Variants in LRP8 observed in about 807,000 individuals in gnomAD.
LRP8 encodes the protein low-density lipoprotein receptor-related protein 8.
LRP8 carries 46 observed loss-of-function variants against 111.6 expected under a neutral mutation model. That is an observed-to-expected ratio of 0.41 (90% confidence interval 0.33 to 0.53). The LOEUF is 0.53. Ranked by LOEUF, LRP8 falls within the 20% of genes least tolerant of loss-of-function variation. LRP8 has a pLI of 0.20. For synonymous variants in LRP8, 464 were observed against 511.2 expected, an observed-to-expected ratio of 0.91 and a Z score of 1.24; for missense variants, 959 against 1,297.4, an observed-to-expected ratio of 0.74 and a Z score of 4.01.
intron 3 of LRP8, among the ~76,000 whole-genome samples, chr1:53,287,866 T>G (rs1572552920): frequency 1.4e-5 from 2 of 143,572 alleles, no homozygotes; most frequent in African/African-American, 2.6e-5. Context: ...AGAGGGAGGG[T>G]GAGGATAGGA....
chr1:53,250,599 A>G lies in LRP8; in HGVS notation c.2676+91T>C, dbSNP rs1357803995. On this transcript the variant is annotated intron_variant, in intron 17 of 18. Coordinates refer to ENST00000306052, the MANE Select transcript of LRP8 (RefSeq NM_004631.5). This position sits in a 1 kb window ranked among gnomAD's most constrained non-coding sequence, Gnocchi z 4.6. ...CGGAAGGAAGGAAGGGAGGGAAGAA[A>G]GGATGGGAAGGAAGAAAGGATGGGA... 5 of 1,132,652 alleles carry G rather than the reference A, an allele frequency of 4.4e-6. No homozygotes were observed. The highest frequency in any genetic ancestry group is 6.4e-6 in the Non-Finnish European group (5 of 776,890). The allele number at this position is 1,132,652 out of a possible 1,614,324, so 70.2% of individuals were successfully genotyped here. A position where few individuals can be genotyped will look rare whatever the true frequency, so the allele number is the denominator to read the frequency against.
chr1:53,258,393 C>G lies in LRP8; in HGVS notation c.2135G>C (p.Ser712Thr), dbSNP rs768180742. 6.2e-7 allele frequency: 1 copy of G among 1,614,102 alleles called. No individual in the cohort carries two copies. Among genetic ancestry groups the G allele is most frequent in the East Asian group, 2.2e-5 (1 of 44,880 alleles). ...GGCACATGTGTACTTGGGAGAGTGG[C>G]TGGAGATCTGAGGAGCAGGAAGGCA... ...YLCLPAPQISSHSPKYTCACP... is the reference protein window; with the variant it reads ...YLCLPAPQISTHSPKYTCACP... The change falls in exon 14 of 19, where the codon AGC becomes ACC. Residue 712 changes from serine to threonine, a missense_variant. Coordinates refer to ENST00000306052, the MANE Select transcript of LRP8 (RefSeq NM_004631.5).
chr1:53,254,548 C>T (rs1646009477), intron 16 of LRP8, among the ~76,000 whole-genome samples: 1 of 152,060 alleles, frequency 6.6e-6, no homozygotes, highest in Non-Finnish European at 1.5e-5. Flanking sequence ...ATGAACTTAT[C>T]TGTGTTATGT....
chr1:53,273,427 A>C (rs1334030530), intron 6 of LRP8, among the ~76,000 whole-genome samples: 2 of 152,224 alleles, frequency 1.3e-5, no homozygotes, highest in Non-Finnish European at 2.9e-5. Context: ...CCCCTGCTTT[A>C]CTCAGAGAAG....
At chr1:53,252,041 C>CAAA (rs776015082) in intron 16 of LRP8, among the ~76,000 whole-genome samples, 3 of 53,718 alleles carry the variant, frequency 5.6e-5, no homozygotes, top group Admixed American at 2.1e-4. Context: ...GACCTTGTCT[C>CAAA]AAAAAAAAAA....
intron 2 of LRP8, among the ~76,000 whole-genome samples, chr1:53,296,895 G>T (rs995901307): frequency 3.3e-5 from 5 of 152,192 alleles, no homozygotes; most frequent in African/African-American, 1.2e-4. Flanking sequence ...TTAAGCAGAG[G>T]AACCCTTTTC....
rs536157497 is a variant in LRP8, at chr1:53,244,551, A to C, written c.*2467T>G. 15 of 152,374 alleles carry C rather than the reference A, an allele frequency of 9.8e-5. No homozygotes were observed. Among genetic ancestry groups the C allele is most frequent in the African/African-American group, 3.6e-4 (15 of 41,600 alleles). 9.4% of individuals were successfully genotyped at this position (152,374 alleles called of 1,614,324 possible). ...ATATATCACAATTTGTTTCTTGTAA[A>C]GGGTTGCTCCCATTGCTGCCTCTTT... On this transcript the variant is annotated 3_prime_UTR_variant, in exon 19 of 19. Transcript: ENST00000306052.
chr1:53,255,451 C>A (rs1646050567), intron 15 of LRP8, among the ~76,000 whole-genome samples: 1 of 152,122 alleles, frequency 6.6e-6, no homozygotes. Context: ...GACTTGAACC[C>A]AGGACTCATG....
chr1:53,318,259 G>A (rs1654064446), intron 2 of LRP8, among the ~76,000 whole-genome samples: 1 of 151,546 alleles, frequency 6.6e-6, no homozygotes, highest in Admixed American at 6.6e-5. Flanking sequence ...TTTTTTGGTG[G>A]GGGTGAAAGC....
intron 2 of LRP8, among the ~76,000 whole-genome samples, chr1:53,323,856 T>C (rs12096460): frequency 0.017 from 2,639 of 152,316 alleles, 93 homozygotes; most frequent in African/African-American, 0.06. Flanking sequence ...TGGTAAACTC[T>C]GGGGGAATGC....
At position 53,327,770 on chromosome 1, in the gene LRP8, A is replaced by G. The variant is rs1226981212; in HGVS notation, c.124+19T>C. ...GGCTAGGGCGGAGCAGAGCCGAGTC[A>G]GAGACCGGCTGCACGCACCTTGGCC... On this transcript the variant is annotated intron_variant, in intron 1 of 18. Transcript: ENST00000306052. 20 of 1,503,382 alleles carry G rather than the reference A, an allele frequency of 1.3e-5. No individual in the cohort carries two copies. The highest frequency in any genetic ancestry group is 1.8e-5 in the Non-Finnish European group (20 of 1,130,544). The allele number at this position is 1,503,382 out of a possible 1,614,324, so 93.1% of individuals were successfully genotyped here. A position where few individuals can be genotyped will look rare whatever the true frequency, so the allele number is the denominator to read the frequency against.
chr1:53,317,277 C>A lies in LRP8; in HGVS notation c.244+9596G>T, dbSNP rs1173745459. Among the ~76,000 whole-genome samples the A allele has an allele frequency of 6.6e-6, 1 of 152,166 alleles. No homozygotes were observed. The highest frequency in any genetic ancestry group is 2.1e-4 in the South Asian group (1 of 4,832). ...GCAGCTTAACCTGGGCCTGATGGGA[C>A]CTTCCTGCCTCTCATCAGCTGCCAA... On this transcript the variant is annotated intron_variant, in intron 2 of 18. Coordinates refer to ENST00000306052, the MANE Select transcript of LRP8 (RefSeq NM_004631.5). The surrounding 1 kb of genome is among the most constrained non-coding windows in gnomAD (Gnocchi z 4.9).
At position 53,328,019 on chromosome 1, in the gene LRP8, G is replaced by A. The variant is rs1343319138; in HGVS notation, c.-107C>T. The A allele has an allele frequency of 5.5e-6, 2 of 361,362 alleles. No individual in the cohort carries two copies. The highest frequency in any genetic ancestry group is 7.1e-5 in the Admixed American group (1 of 14,154). The allele number at this position is 361,362 out of a possible 1,614,324, so 22.4% of individuals were successfully genotyped here. A position where few individuals can be genotyped will look rare whatever the true frequency, so the allele number is the denominator to read the frequency against. ...CGGCGCCGGGGTTGCCGCTGCCCCC[G>A]CCGCCGCCGCCGCCGCCGCTGCCGC... On this transcript the variant is annotated 5_prime_UTR_variant, in exon 1 of 19. Transcript: ENST00000306052.
chr1:53,276,374 T>TG lies in LRP8; in HGVS notation c.883+317dup, dbSNP rs1646916208. ...TGAGCAGGCCTAGCGGGTAAAGAGA[T>TG]GGGGGGAGCTCCTGAGCCTGCCAGG... On this transcript the variant is annotated intron_variant, in intron 5 of 18. Transcript: ENST00000306052. Among the ~76,000 whole-genome samples the TG allele has an allele frequency of 3.5e-5, 3 of 85,862 alleles. No homozygotes were observed. The South Asian group carries it at 1.3e-3, about 37-fold the overall frequency. 56.3% of individuals were successfully genotyped at this position (85,862 alleles called of 152,430 possible).
Position 53,293,512 on chromosome 1 carries a change from G to A in LRP8, c.245-3823C>T, listed in dbSNP as rs940106767. 1.3e-5 allele frequency among the ~76,000 whole-genome samples: 2 copies of A among 152,248 alleles called. No homozygotes were observed. The highest frequency in any genetic ancestry group is 2.9e-5 in the Non-Finnish European group (2 of 68,048). On this transcript the variant is annotated intron_variant, in intron 2 of 18. Transcript: ENST00000306052. This position sits in a 1 kb window ranked among gnomAD's most constrained non-coding sequence, Gnocchi z 4.9. Reference sequence around the variant, plus strand: ...AGAGGAAATTAAGGCTTAGAGGTAAGGGTGTTAGGTGGCAGAAGTGTGATT... The same window carrying A: ...AGAGGAAATTAAGGCTTAGAGGTAAAGGTGTTAGGTGGCAGAAGTGTGATT...
At chr1:53,256,628 A>G (rs1297585471) in intron 15 of LRP8, among the ~76,000 whole-genome samples, 2 of 152,282 alleles carry the variant, frequency 1.3e-5, no homozygotes, top group African/African-American at 4.8e-5. Flanking sequence ...TCCCTCTGGC[A>G]GGTAACTCAA....
At chr1:53,252,207 G>A (rs191873496) in intron 16 of LRP8, among the ~76,000 whole-genome samples, 135 of 152,092 alleles carry the variant, frequency 8.9e-4, no homozygotes, top group Middle Eastern at 6.8e-3. Flanking sequence ...ATCATTAGCC[G>A]TCTTTTTAAT....
intron 3 of LRP8, among the ~76,000 whole-genome samples, chr1:53,288,875 G>T (rs764100641): frequency 2.0e-5 from 3 of 152,164 alleles, no homozygotes; most frequent in Non-Finnish European, 4.4e-5. Context: ...TTGCTTTGAG[G>T]ATTAGGGCCT....
intron 5 of LRP8, 99 bp downstream of exon 5, chr1:53,276,593 C>A (rs1297412647): frequency 6.3e-6 from 6 of 944,904 alleles, no homozygotes; most frequent in African/African-American, 3.6e-5. Flanking sequence ...GTAATGTATT[C>A]AGGTAAGGCA....
Sources: gnomAD v4.1 joint callset for allele counts (sites outside exome capture counted in the v4.1 genomes callset) on GRCh38, gnomAD v4.1.1 for gene constraint, Gnocchi (gnomAD v3.1) non-coding constraint, MANE v1.5 for transcripts, NCBI Gene and HGNC (gene_info 2026-07-23, HGNC 2026-07-21) for gene names.